MRPS28: variants seen among roughly 807,000 people sequenced by gnomAD.
MRPS28 encodes small ribosomal subunit protein bS1m.
Under a neutral mutation model 10.8 loss-of-function variants are expected in MRPS28, and 7 were observed. That is an observed-to-expected ratio of 0.65 (90% confidence interval 0.37 to 1.22). The LOEUF (loss-of-function observed/expected upper bound fraction) is 1.22, where lower values mean the gene tolerates loss of function less well. MRPS28 is among the 50% of genes most tolerant of loss of function. MRPS28 has a pLI of 0.02. For synonymous variants in MRPS28, 121 were observed against 93.3 expected, an observed-to-expected ratio of 1.30 and a Z score of -1.71; for missense variants, 265 against 232.9, an observed-to-expected ratio of 1.14 and a Z score of -0.90.
Position 79,930,726 on chromosome 8 carries a change from T to C in MRPS28, c.396-11578A>G, listed in dbSNP as rs116720114. On this transcript the variant is annotated intron_variant, in intron 2 of 2. Transcript: ENST00000276585. ...ACACAGTGACCAGGATGCAAGCTGATGATATTTTTGCTTCTAATCTGAGAA... is the reference window on the plus strand; with the variant it reads ...ACACAGTGACCAGGATGCAAGCTGACGATATTTTTGCTTCTAATCTGAGAA... Among the ~76,000 whole-genome samples the C allele has an allele frequency of 6.0e-3, 918 of 152,350 alleles. 6 individuals carry two copies. Among genetic ancestry groups the C allele is most frequent in the African/African-American group, 0.021 (884 of 41,588 alleles).
intron 2 of MRPS28, among the ~76,000 whole-genome samples, chr8:79,926,605 C>A (rs904734816): frequency 1.3e-5 from 2 of 152,156 alleles, no homozygotes; most frequent in African/African-American, 4.8e-5. Flanking sequence ...TTCAAGTGGA[C>A]AAGTCTAGTA....
intron 2 of MRPS28, among the ~76,000 whole-genome samples, chr8:79,983,650 G>A (rs945065731): frequency 7.9e-5 from 12 of 152,274 alleles, no homozygotes; most frequent in South Asian, 4.1e-4. Context: ...GAGCTGATGC[G>A]ATCAACTGGA....
chr8:79,936,737 T>C (rs1806614073), intron 2 of MRPS28, among the ~76,000 whole-genome samples: 2 of 152,252 alleles, frequency 1.3e-5, no homozygotes. Context: ...TGACATATGA[T>C]GGCAACCCTT....
intron 2 of MRPS28, among the ~76,000 whole-genome samples, chr8:79,962,387 C>T (rs1487518580): frequency 3.3e-5 from 5 of 152,116 alleles, no homozygotes; most frequent in Non-Finnish European, 5.9e-5. Flanking sequence ...GCAGAATAAT[C>T]CAGGCCAGTG....
chr8:80,023,546 A>C (rs886772437), intron 1 of MRPS28, among the ~76,000 whole-genome samples: 1 of 152,196 alleles, frequency 6.6e-6, no homozygotes, highest in Non-Finnish European at 1.5e-5. Context: ...ACAAAAAAGT[A>C]AAAAATTACA....
At chr8:80,027,759 AGG>A (rs1586106304) in intron 1 of MRPS28, among the ~76,000 whole-genome samples, 1 of 152,250 alleles carries the variant, frequency 6.6e-6, no homozygotes, top group South Asian at 2.1e-4. Flanking sequence ...CCTCCTCCCC[AGG>A]GAATTTTATT....
At chr8:79,978,938 T>G (rs1269783180) in intron 2 of MRPS28, among the ~76,000 whole-genome samples, 3 of 152,356 alleles carry the variant, frequency 2.0e-5, no homozygotes, top group Admixed American at 2.0e-4. Flanking sequence ...TCAGAAATTC[T>G]CTGAAACAAA....
chr8:80,002,167 A>G (rs1808676474), intron 2 of MRPS28, among the ~76,000 whole-genome samples: 2 of 152,178 alleles, frequency 1.3e-5, no homozygotes, highest in African/African-American at 4.8e-5. Flanking sequence ...TCCTAGGTCT[A>G]CAGTAGACTC....
At chr8:79,968,864 T>C (rs1437199964) in intron 2 of MRPS28, among the ~76,000 whole-genome samples, 4 of 152,302 alleles carry the variant, frequency 2.6e-5, no homozygotes, top group East Asian at 3.9e-4. Context: ...TGCAACTAGA[T>C]TGCAAATGTT....
At chr8:79,986,406 T>C (rs1448244033) in intron 2 of MRPS28, among the ~76,000 whole-genome samples, 2 of 152,150 alleles carry the variant, frequency 1.3e-5, no homozygotes, top group Non-Finnish European at 2.9e-5. Flanking sequence ...TTCAACATAG[T>C]GTTGGAAGTT....
At position 79,940,453 on chromosome 8, in the gene MRPS28, AC is replaced by A. The variant is rs1806736365; in HGVS notation, c.396-21306del. ...GAAATGATTTTTAAAAGTTTCTCTT[AC>A]CAAATTTGTTTCTGACATTAGTCTT... On this transcript the variant is annotated intron_variant, in intron 2 of 2. Transcript: ENST00000276585. 3.3e-5 allele frequency among the ~76,000 whole-genome samples: 5 copies of A among 152,340 alleles called. No individual in the cohort carries two copies. In the South Asian group the frequency reaches 8.3e-4, roughly 25 times the overall value.
chr8:79,970,292 A>G (rs1300052883), intron 2 of MRPS28, among the ~76,000 whole-genome samples: 2 of 152,146 alleles, frequency 1.3e-5, no homozygotes, highest in African/African-American at 4.8e-5. Flanking sequence ...TTAATACTGC[A>G]TGCCTATACT....
chr8:79,993,818 A>C (rs1808425769), intron 2 of MRPS28, among the ~76,000 whole-genome samples: 1 of 152,180 alleles, frequency 6.6e-6, no homozygotes, highest in Non-Finnish European at 1.5e-5. Flanking sequence ...ACACCTTGAA[A>C]ACTTTAGTTT....
chr8:79,971,795 T>G (rs1807641439), intron 2 of MRPS28, among the ~76,000 whole-genome samples: 1 of 152,112 alleles, frequency 6.6e-6, no homozygotes, highest in African/African-American at 2.4e-5. Context: ...TCTCATGGGT[T>G]CAAGCAATCC....
At chr8:79,994,326 A>G (rs1488097347) in intron 2 of MRPS28, among the ~76,000 whole-genome samples, 5 of 152,226 alleles carry the variant, frequency 3.3e-5, no homozygotes, top group African/African-American at 1.2e-4. Flanking sequence ...AATCGCAAGT[A>G]TTATGACCTT....
intron 2 of MRPS28, among the ~76,000 whole-genome samples, chr8:79,975,522 C>T (rs1251443475): frequency 6.6e-6 from 1 of 151,786 alleles, no homozygotes; most frequent in African/African-American, 2.4e-5. Flanking sequence ...ACAGTTACAA[C>T]AAAGAGTATA....
chr8:80,017,121 T>A (rs993715504), intron 1 of MRPS28, among the ~76,000 whole-genome samples: 1 of 152,158 alleles, frequency 6.6e-6, no homozygotes, highest in Non-Finnish European at 1.5e-5. Context: ...CACACTAGAA[T>A]TTAACTAGAA....
chr8:79,920,978 A>G (rs1158324971), intron 2 of MRPS28, among the ~76,000 whole-genome samples: 2 of 152,156 alleles, frequency 1.3e-5, no homozygotes, highest in African/African-American at 2.4e-5. Context: ...AGGTGTTAAG[A>G]AAGGGATCCA....
At chr8:80,014,356 G>C (rs905153194) in intron 1 of MRPS28, among the ~76,000 whole-genome samples, 3 of 152,022 alleles carry the variant, frequency 2.0e-5, no homozygotes, top group African/African-American at 7.3e-5. Flanking sequence ...AGCCAAGTTT[G>C]GGATGGTTTG....
Sources: allele counts gnomAD v4.1 joint callset (sites outside exome capture counted in the v4.1 genomes callset), GRCh38; gene constraint gnomAD v4.1.1; transcripts MANE v1.5; gene names NCBI Gene and HGNC (gene_info 2026-07-23, HGNC 2026-07-21).